The following SLC26A4 variants were observed in gnomAD, a reference collection of about 807,000 sequenced individuals.
SLC26A4 encodes pendrin.
Under a neutral mutation model 90.4 loss-of-function variants are expected in SLC26A4, and 93 were observed. That is an observed-to-expected ratio of 1.03 (90% CI 0.87 to 1.22). The LOEUF (loss-of-function observed/expected upper bound fraction) is 1.22, where lower values mean the gene tolerates loss of function less well. SLC26A4 is among the 50% of genes most tolerant of loss of function. SLC26A4 has a pLI of 0.00. For synonymous variants in SLC26A4, 393 were observed against 354.6 expected (o/e 1.11, Z -1.22); for missense variants, 1,127 against 946.2 (o/e 1.19, Z -2.51).
Position 107,693,553 on chromosome 7 carries a change from GCTT to G in SLC26A4, c.1264-847_1264-845del, listed in dbSNP as rs71909240. ...GTCTCCTTTTCTTCTTTGTTTCAGAGCTTCTAATCTTCATCTTGGCTCTGCCCC... is the reference window on the plus strand; with the variant it reads ...GTCTCCTTTTCTTCTTTGTTTCAGAGCTAATCTTCATCTTGGCTCTGCCCC... On this transcript the variant is annotated intron_variant, in intron 10 of 20. Coordinates refer to ENST00000644269, the MANE Select transcript of SLC26A4 (RefSeq NM_000441.2). The G allele has an allele frequency of 6.5e-3, 6,380 of 985,320 alleles. 308 individuals carry two copies. In the African/African-American group the frequency reaches 0.098, roughly 15 times the overall value. 61.0% of individuals were successfully genotyped at this position (985,320 alleles called of 1,614,324 possible).
At chr7:107,682,126 AAAAATT>A (rs1562828564) in intron 6 of SLC26A4, among the ~76,000 whole-genome samples, 2 of 139,052 alleles carry the variant, frequency 1.4e-5, no homozygotes, top group Non-Finnish European at 3.2e-5. Context: ...AAAAAAAAAA[AAAAATT>A]TTTTTTATGT....
chr7:107,692,678 C>G (rs545928437), intron 10 of SLC26A4, among the ~76,000 whole-genome samples: 2 of 152,236 alleles, frequency 1.3e-5, no homozygotes, highest in Non-Finnish European at 2.9e-5. Context: ...CCTTTTCTTT[C>G]CCTCACCCCC....
chr7:107,662,941 G>A (rs764575317), intron 2 of SLC26A4, among the ~76,000 whole-genome samples: 6 of 152,034 alleles, frequency 3.9e-5, no homozygotes, highest in Non-Finnish European at 7.4e-5. Context: ...TAATAATAAG[G>A]CGCCTGGATT....
intron 17 of SLC26A4, among the ~76,000 whole-genome samples, chr7:107,703,676 A>T (rs10271911): frequency 1.2e-3 from 183 of 152,358 alleles, no homozygotes; most frequent in African/African-American, 4.3e-3. Context: ...TTATAATGAC[A>T]GTTATGATAG....
intron 10 of SLC26A4, among the ~76,000 whole-genome samples, chr7:107,691,567 TC>T (rs1791580838): frequency 7.1e-6 from 1 of 140,262 alleles, no homozygotes; most frequent in Non-Finnish European, 1.5e-5. Flanking sequence ...ATATATATAT[TC>T]TCATATATAT....
At position 107,717,673 on chromosome 7, in the gene SLC26A4, A is replaced by G. The variant is rs929032911; in HGVS notation, c.*2227A>G. ...TTTTGTTATATTTTTAACCTATAGG[A>G]TAAGATTCCAGTATTGTATATGAGT... is the stretch of plus-strand genomic sequence containing the variant. On this transcript the variant is annotated 3_prime_UTR_variant, in exon 21 of 21. Coordinates refer to ENST00000644269, the MANE Select transcript of SLC26A4 (RefSeq NM_000441.2). 2 of 152,650 alleles carry G rather than the reference A, an allele frequency of 1.3e-5. No individual in the cohort carries two copies. Among genetic ancestry groups the G allele is most frequent in the South Asian group, 2.1e-4 (1 of 4,834 alleles). The allele number at this position is 152,650 out of a possible 1,614,324, so 9.5% of individuals were successfully genotyped here. A position where few individuals can be genotyped will look rare whatever the true frequency, so the allele number is the denominator to read the frequency against.
intron 9 of SLC26A4, 55 bp downstream of exon 9, chr7:107,689,255 CAT>C: frequency 6.3e-7 from 1 of 1,583,090 alleles, no homozygotes; most frequent in South Asian, 1.1e-5. Flanking sequence ...AGGAAAAAAA[CAT>C]AAATGGAAAA....
At position 107,675,119 on chromosome 7, in the gene SLC26A4, G is replaced by A; in HGVS notation, c.765+10G>A. ...TCTCTCTATTATCTATGTAAGTGTT[G>A]CTTCTTGCTCCAGGGATGGGTCACT... On this transcript the variant is annotated intron_variant, in intron 6 of 20. Coordinates refer to ENST00000644269, the MANE Select transcript of SLC26A4 (RefSeq NM_000441.2). 1 of 1,612,644 alleles carries A rather than the reference G, an allele frequency of 6.2e-7. No homozygotes were observed. Among genetic ancestry groups the A allele is most frequent in the Non-Finnish European group, 8.5e-7 (1 of 1,179,078 alleles).
Position 107,700,051 on chromosome 7 carries a change from A to G in SLC26A4, c.1615-32A>G, listed in dbSNP as rs755675664. 4.1e-6 allele frequency: 5 copies of G among 1,223,118 alleles called. No individual in the cohort carries two copies. In the South Asian group the frequency reaches 4.8e-5, roughly 12 times the overall value. The allele number at this position is 1,223,118 out of a possible 1,614,324, so 75.8% of individuals were successfully genotyped here. A position where few individuals can be genotyped will look rare whatever the true frequency, so the allele number is the denominator to read the frequency against. On this transcript the variant is annotated intron_variant, in intron 14 of 20. Coordinates refer to ENST00000644269, the MANE Select transcript of SLC26A4 (RefSeq NM_000441.2). ...AATTAAATACTTGAGGCTTGAAATTATTTAATCCCAGACAATTTCTTTTAA... is the reference window on the plus strand; with the variant it reads ...AATTAAATACTTGAGGCTTGAAATTGTTTAATCCCAGACAATTTCTTTTAA...
intron 6 of SLC26A4, among the ~76,000 whole-genome samples, chr7:107,677,083 G>C (rs903720571): frequency 2.6e-5 from 4 of 152,144 alleles, no homozygotes; most frequent in African/African-American, 9.7e-5. Context: ...AGGCTGAGGT[G>C]AGAGGATCAC....
chr7:107,678,455 T>C (rs1401400081), intron 6 of SLC26A4, among the ~76,000 whole-genome samples: 2 of 152,186 alleles, frequency 1.3e-5, no homozygotes, highest in African/African-American at 4.8e-5. Flanking sequence ...ACAGGAGAAA[T>C]AGTTCTTCTG....
intron 20 of SLC26A4, among the ~76,000 whole-genome samples, chr7:107,713,763 G>A (rs1792261956): frequency 6.6e-6 from 1 of 152,082 alleles, no homozygotes; most frequent in African/African-American, 2.4e-5. Flanking sequence ...AAAGACTGGG[G>A]CATTTTCATA....
chr7:107,697,805 T>C (rs1420186254), intron 13 of SLC26A4, among the ~76,000 whole-genome samples: 1 of 152,216 alleles, frequency 6.6e-6, no homozygotes, highest in Non-Finnish European at 1.5e-5. Context: ...CGTGCAAGTA[T>C]GATGCTCATT....
intron 20 of SLC26A4, among the ~76,000 whole-genome samples, chr7:107,715,065 C>CCAAAAAAAAAAAA (rs1792305457): frequency 1.2e-5 from 1 of 86,698 alleles, no homozygotes; most frequent in African/African-American, 3.9e-5. Flanking sequence ...ACCATCTCTA[C>CCAAAAAAAAAAAA]TAAAAAAAAA....
intron 8 of SLC26A4, 110 bp downstream of exon 8, chr7:107,683,647 A>C (rs767439814): frequency 6.4e-5 from 53 of 831,344 alleles, no homozygotes; most frequent in Non-Finnish European, 1.0e-4. Context: ...CTCCTTCAAT[A>C]GTCCTATTTG....
intron 10 of SLC26A4, chr7:107,691,732 C>T (rs1372995201): frequency 2.2e-6 from 2 of 901,792 alleles, no homozygotes; most frequent in East Asian, 1.2e-4. Context: ...TTTTTGGCTG[C>T]TTTTCAACAA....
At chr7:107,663,220 G>C in intron 2 of SLC26A4, 76 bp from the exon 3 acceptor site, 3 of 1,481,182 alleles carry the variant, frequency 2.0e-6, no homozygotes, top group South Asian at 1.1e-5. Flanking sequence ...GCAGAATCCA[G>C]TTCATAACTT....
chr7:107,700,212 T>A, intron 15 of SLC26A4, 37 bp downstream of exon 15: 1 of 1,034,282 alleles, frequency 9.7e-7, no homozygotes, highest in South Asian at 1.3e-5. Context: ...TTTTCTAACC[T>A]CTTTTGAGAC....
At chr7:107,665,999 T>C (rs918266974) in intron 3 of SLC26A4, among the ~76,000 whole-genome samples, 1 of 152,216 alleles carries the variant, frequency 6.6e-6, no homozygotes, top group Non-Finnish European at 1.5e-5. Flanking sequence ...ATTCACTTAA[T>C]AAATATTTAT....
Sources: gnomAD v4.1 joint callset for allele counts (sites outside exome capture counted in the v4.1 genomes callset) on GRCh38, gnomAD v4.1.1 for gene constraint, MANE v1.5 for transcripts, NCBI Gene and HGNC (gene_info 2026-07-23, HGNC 2026-07-21) for gene names.